The following DPT variants were observed in gnomAD, a reference collection of about 807,000 sequenced individuals.
The protein encoded by DPT is dermatopontin.
Under a neutral mutation model 31.2 loss-of-function variants are expected in DPT, and 21 were observed. That is an observed-to-expected ratio of 0.67 (90% CI 0.48 to 0.97). DPT has a LOEUF of 0.97. Ranked by LOEUF, DPT falls within the 50% of genes least tolerant of loss-of-function variation. The probability of loss-of-function intolerance (pLI) is 0.00; values close to 1 mark genes in which losing one functional copy is unlikely to be tolerated. For missense variants in DPT, 262 were observed against 258.8 expected (o/e 1.01, Z -0.08); for synonymous variants, 91 against 86.9 (o/e 1.05, Z -0.26).
chr1:168,711,986 T>C (rs1425190362), intron 2 of DPT, among the ~76,000 whole-genome samples: 1 of 152,060 alleles, frequency 6.6e-6, no homozygotes, highest in East Asian at 1.9e-4. Flanking sequence ...AACAAAAAAT[T>C]TTATGTAAGA....
intron 2 of DPT, among the ~76,000 whole-genome samples, chr1:168,704,354 G>C (rs1414148326): frequency 6.6e-6 from 1 of 152,172 alleles, no homozygotes; most frequent in African/African-American, 2.4e-5. Flanking sequence ...ACATTTCTAT[G>C]GGAAGCCTTA....
chr1:168,709,505 C>T (rs918463080), intron 2 of DPT, among the ~76,000 whole-genome samples: 4 of 152,108 alleles, frequency 2.6e-5, no homozygotes, highest in African/African-American at 7.2e-5. Context: ...AAAGAGAAAC[C>T]GCACAAGCTG....
In DPT at chr1:168,714,446, A is replaced by T. The variant is rs1488552578; in HGVS notation, c.306-100T>A. On this transcript the variant is annotated intron_variant, in intron 1 of 3. Transcript: ENST00000367817. ...CAGTTACACACTCTTTCTCTGACCT[A>T]GATTCTTAACAATTTATTCCATTTT... The T allele has an allele frequency of 3.5e-6, 5 of 1,417,196 alleles. No homozygotes were observed. The East Asian group carries it at 1.2e-4, about 33-fold the overall frequency. The allele number at this position is 1,417,196 out of a possible 1,614,324, so 87.8% of individuals were successfully genotyped here.
At chr1:168,713,893 AAGG>A (rs1254736585) in intron 2 of DPT, among the ~76,000 whole-genome samples, 5 of 152,132 alleles carry the variant, frequency 3.3e-5, no homozygotes, top group Non-Finnish European at 5.9e-5. Context: ...AGTTGGGGAG[AAGG>A]AGAACAGCAC....
intron 1 of DPT, among the ~76,000 whole-genome samples, chr1:168,726,356 G>C (rs1650241440): frequency 6.6e-6 from 1 of 152,178 alleles, no homozygotes; most frequent in African/African-American, 2.4e-5. Context: ...AGTCACAGTT[G>C]GCAAGTTTAA....
At chr1:168,705,519 G>T in intron 2 of DPT, among the ~76,000 whole-genome samples, 1 of 152,186 alleles carries the variant, frequency 6.6e-6, no homozygotes. Context: ...AGATCAGAAC[G>T]GGTACCTGAG....
intron 1 of DPT, among the ~76,000 whole-genome samples, chr1:168,725,282 T>C (rs1329053544): frequency 6.8e-6 from 1 of 147,052 alleles, no homozygotes; most frequent in East Asian, 1.9e-4. Context: ...CCTTCCTTCT[T>C]TCCTTCCTTC....
chr1:168,718,110 GC>G (rs1364820524), intron 1 of DPT, among the ~76,000 whole-genome samples: 19 of 152,340 alleles, frequency 1.2e-4, no homozygotes, highest in African/African-American at 4.1e-4. Context: ...CTAAAACAAA[GC>G]CCTTTCAGAA....
intron 1 of DPT, among the ~76,000 whole-genome samples, chr1:168,722,526 ATTATT>A (rs1247311502): frequency 2.0e-5 from 3 of 152,214 alleles, no homozygotes; most frequent in Non-Finnish European, 4.4e-5. Context: ...GCGTGCATTA[ATTATT>A]TTAATTATCA....
At chr1:168,716,967 G>T (rs1389369297) in intron 1 of DPT, among the ~76,000 whole-genome samples, 2 of 152,162 alleles carry the variant, frequency 1.3e-5, no homozygotes, top group Non-Finnish European at 2.9e-5. Flanking sequence ...ATGGGCATTT[G>T]GGTTGGTTCC....
intron 2 of DPT, among the ~76,000 whole-genome samples, chr1:168,707,442 G>A (rs1649747247): frequency 6.6e-6 from 1 of 152,134 alleles, no homozygotes; most frequent in Non-Finnish European, 1.5e-5. Context: ...TTGTAACTGA[G>A]AGGTTTACTT....
chr1:168,706,178 A>G (rs1572626460), intron 2 of DPT, among the ~76,000 whole-genome samples: 1 of 152,252 alleles, frequency 6.6e-6, no homozygotes, highest in South Asian at 2.1e-4. Context: ...TCACTGGTGC[A>G]TGGAATCAAA....
chr1:168,698,349 A>G (rs1345892148), intron 3 of DPT, among the ~76,000 whole-genome samples: 1 of 152,220 alleles, frequency 6.6e-6, no homozygotes, highest in Non-Finnish European at 1.5e-5. Context: ...AAAAGAGGTC[A>G]TAGATTGTTT....
Position 168,720,299 on chromosome 1 carries a change from TC to T in DPT, c.306-5954del, listed in dbSNP as rs563853880. On this transcript the variant is annotated intron_variant, in intron 1 of 3. Transcript: ENST00000367817. ...AATATAATAAATCTCTTCGAGATGG[TC>T]CCACAGCTCTGATTGGTATGCTGGA... is the stretch of plus-strand genomic sequence containing the variant. Among the ~76,000 whole-genome samples the T allele has an allele frequency of 1.8e-4, 27 of 152,302 alleles. No individual in the cohort carries two copies. In the South Asian group the frequency reaches 4.8e-3, roughly 27 times the overall value.
intron 2 of DPT, among the ~76,000 whole-genome samples, chr1:168,707,255 T>TATC (rs1162185961): frequency 1.3e-5 from 2 of 152,180 alleles, no homozygotes; most frequent in African/African-American, 2.4e-5. Flanking sequence ...ATATTATTAT[T>TATC]ATCATCATTA....
At chr1:168,715,897 C>G (rs1320453331) in intron 1 of DPT, among the ~76,000 whole-genome samples, 1 of 152,240 alleles carries the variant, frequency 6.6e-6, no homozygotes, top group Non-Finnish European at 1.5e-5. Flanking sequence ...AGAGCCAGAG[C>G]AGGCAGTTGT....
At chr1:168,727,707 T>TTC (rs1650282107) in intron 1 of DPT, among the ~76,000 whole-genome samples, 2 of 115,392 alleles carry the variant, frequency 1.7e-5, no homozygotes, top group Admixed American at 1.6e-4. Context: ...CCGGGCTAAT[T>TTC]TTTTTTTTTC....
At chr1:168,719,040 C>A (rs943079546) in intron 1 of DPT, among the ~76,000 whole-genome samples, 9 of 152,148 alleles carry the variant, frequency 5.9e-5, no homozygotes, top group African/African-American at 2.2e-4. Context: ...AGTAGTATTC[C>A]ATGCAGTGTC....
intron 1 of DPT, among the ~76,000 whole-genome samples, chr1:168,722,518 G>A (rs952468235): frequency 2.6e-5 from 4 of 152,114 alleles, no homozygotes; most frequent in African/African-American, 4.8e-5. Context: ...AGCACTATGC[G>A]TGCATTAATT....
Sources: gnomAD v4.1 joint callset for allele counts (sites outside exome capture counted in the v4.1 genomes callset) on GRCh38, gnomAD v4.1.1 for gene constraint, MANE v1.5 for transcripts, NCBI Gene and HGNC (gene_info 2026-07-23, HGNC 2026-07-21) for gene names.